ARB2A: variants seen among roughly 807,000 people sequenced by gnomAD.
ARB2A encodes the protein cotranscriptional regulator ARB2A.
the ARB2A span, among the ~76,000 whole-genome samples, chr5:93,879,701 A>G: frequency 6.6e-6 from 1 of 151,930 alleles, no homozygotes; most frequent in Non-Finnish European, 1.5e-5. Flanking sequence ...TGGTGACAAG[A>G]TAAAGACAAA....
the ARB2A span, among the ~76,000 whole-genome samples, chr5:93,917,987 C>T: frequency 2.0e-4 from 31 of 152,250 alleles, no homozygotes; most frequent in South Asian, 3.5e-3. Flanking sequence ...AGCCCTCAAC[C>T]CTCTGATGTC....
chr5:93,816,240 A>G, the ARB2A span, among the ~76,000 whole-genome samples: 4 of 152,318 alleles, frequency 2.6e-5, no homozygotes, highest in African/African-American at 9.6e-5. Flanking sequence ...ATGAATGATC[A>G]TTTTAAGGTT....
At chr5:93,986,885 C>A in the ARB2A span, among the ~76,000 whole-genome samples, 78 of 151,986 alleles carry the variant, frequency 5.1e-4, no homozygotes, top group Non-Finnish European at 8.2e-4. Flanking sequence ...TGCAGAAGGC[C>A]GCAGGGTCCT....
At chr5:93,810,796 G>A in the ARB2A span, among the ~76,000 whole-genome samples, 3 of 152,056 alleles carry the variant, frequency 2.0e-5, no homozygotes, top group East Asian at 5.8e-4. Flanking sequence ...GTGGTTATGA[G>A]CATGGACTTT....
the ARB2A span, among the ~76,000 whole-genome samples, chr5:93,625,364 AAATAAAAATGAATAATT>A: frequency 6.6e-6 from 1 of 152,328 alleles, no homozygotes; most frequent in Non-Finnish European, 1.5e-5. Context: ...AGGTCAGCTT[AAATAAAAATGAATAATT>A]ATTTCTTACT....
At chr5:93,946,405 A>T in the ARB2A span, among the ~76,000 whole-genome samples, 1 of 152,198 alleles carries the variant, frequency 6.6e-6, no homozygotes, top group Admixed American at 6.5e-5. Context: ...TTAAGAGACG[A>T]ATGAAGATCT....
chr5:93,861,688 T>G, the ARB2A span: 1 of 152,240 alleles, frequency 6.6e-6, no homozygotes, highest in Non-Finnish European at 1.5e-5. Context: ...TGGTTGGAGC[T>G]TGATACATAC....
chr5:93,943,078 T>C, the ARB2A span, among the ~76,000 whole-genome samples: 1 of 152,154 alleles, frequency 6.6e-6, no homozygotes, highest in Admixed American at 6.5e-5. Flanking sequence ...TATAAACTGC[T>C]GTTATGAGCA....
chr5:93,651,243 C>T, the ARB2A span, among the ~76,000 whole-genome samples: 1 of 152,180 alleles, frequency 6.6e-6, no homozygotes, highest in Middle Eastern at 3.4e-3. Context: ...TCAAGCAACC[C>T]TCCCATCTCA....
At chr5:94,096,296 C>T in the ARB2A span, among the ~76,000 whole-genome samples, 1 of 152,168 alleles carries the variant, frequency 6.6e-6, no homozygotes, top group South Asian at 2.1e-4. Context: ...TATACAAGCA[C>T]ATAAAACTAA....
the ARB2A span, among the ~76,000 whole-genome samples, chr5:93,809,440 T>C: frequency 1.3e-5 from 2 of 152,076 alleles, no homozygotes; most frequent in Admixed American, 6.6e-5. Context: ...CAAAGCTCAC[T>C]TTTTATTTGT....
chr5:93,646,269 T>A, the ARB2A span, among the ~76,000 whole-genome samples: 1 of 152,082 alleles, frequency 6.6e-6, no homozygotes, highest in Non-Finnish European at 1.5e-5. Flanking sequence ...ATAGCCATAG[T>A]CGCTCTTGTA....
At chr5:93,971,408 A>C in the ARB2A span, among the ~76,000 whole-genome samples, 4 of 151,934 alleles carry the variant, frequency 2.6e-5, no homozygotes, top group African/African-American at 9.7e-5. Flanking sequence ...TCTCTACTAA[A>C]AATACAAAAT....
the ARB2A span, among the ~76,000 whole-genome samples, chr5:93,871,797 A>G: frequency 6.6e-6 from 1 of 152,138 alleles, no homozygotes; most frequent in African/African-American, 2.4e-5. Flanking sequence ...TCAATAGTAA[A>G]CATCAATAGA....
the ARB2A span, among the ~76,000 whole-genome samples, chr5:93,793,774 A>G: frequency 2.6e-5 from 4 of 152,282 alleles, no homozygotes; most frequent in East Asian, 5.8e-4. Flanking sequence ...CAACATCTGA[A>G]GAAGGGAGGG....
the ARB2A span, among the ~76,000 whole-genome samples, chr5:93,990,620 TAAAAA>T: frequency 2.3e-4 from 17 of 75,250 alleles, no homozygotes; most frequent in Admixed American, 2.3e-3. Flanking sequence ...CTACCATGAG[TAAAAA>T]AAAAAAAAAA....
the ARB2A span, among the ~76,000 whole-genome samples, chr5:93,781,163 T>C: frequency 1.3e-5 from 2 of 152,180 alleles, no homozygotes. Context: ...TCCTTCATCT[T>C]CCACCTTCCA....
chr5:94,085,431 G>T, the ARB2A span, among the ~76,000 whole-genome samples: 1 of 152,184 alleles, frequency 6.6e-6, no homozygotes, highest in Non-Finnish European at 1.5e-5. Context: ...GGGGACAGAG[G>T]ATTCACTTCC....
the ARB2A span, among the ~76,000 whole-genome samples, chr5:93,764,205 G>T: frequency 6.6e-6 from 1 of 152,062 alleles, no homozygotes; most frequent in Non-Finnish European, 1.5e-5. Flanking sequence ...AATCAGAGCA[G>T]AACTGAAGTA....
Sources: gnomAD v4.1 joint callset for allele counts (sites outside exome capture counted in the v4.1 genomes callset) on GRCh38, gnomAD v4.1.1 for gene constraint, MANE v1.5 for transcripts, NCBI Gene and HGNC (gene_info 2026-07-23, HGNC 2026-07-21) for gene names.